Variants in TMEM67 observed in about 807,000 individuals in gnomAD.
The protein encoded by TMEM67 is transmembrane protein 67, also known as meckelin.
TMEM67 carries 124 observed loss-of-function variants against 136.6 expected under a neutral mutation model. The ratio of observed to expected loss-of-function variants is 0.91; its 90% confidence interval spans 0.78 to 1.05. The LOEUF is 1.05. Ranked by LOEUF, TMEM67 falls within the 50% of genes least tolerant of loss-of-function variation. The pLI is 0.00. For synonymous variants in TMEM67, 364 were observed against 390.5 expected (o/e 0.93, Z 0.80); for missense variants, 1,107 against 1,178.4 (o/e 0.94, Z 0.89).
chr8:93,789,065 A>G (rs1412949786), intron 14 of TMEM67, among the ~76,000 whole-genome samples: 1 of 152,202 alleles, frequency 6.6e-6, no homozygotes, highest in Non-Finnish European at 1.5e-5. Flanking sequence ...TTTCTCTAAA[A>G]ACATGAGAAG....
intron 7 of TMEM67, among the ~76,000 whole-genome samples, chr8:93,778,227 T>C (rs1311306792): frequency 6.6e-6 from 1 of 152,224 alleles, no homozygotes; most frequent in Non-Finnish European, 1.5e-5. Flanking sequence ...TCCATCCCTT[T>C]ATTTTGAGCC....
Position 93,785,284 on chromosome 8 carries a change from C to T in TMEM67, c.1194C>T (p.Tyr398=). Residue 398 remains tyrosine (Y), a synonymous_variant, in exon 12 of 28, where the codon TAC becomes TAT. Coordinates refer to ENST00000453321, the MANE Select transcript of TMEM67 (RefSeq NM_153704.6). ...DFPTPIFYDV[Y]LEYTDENQHQ... The stretch of plus-strand genomic sequence containing the variant: ...CCACTCCTATATTTTATGATGTGTA[C>T]CTTGAATATACTGATGAAAATCAAC... 3 of 1,602,368 alleles carry T rather than the reference C, an allele frequency of 1.9e-6. No homozygotes were observed. Among genetic ancestry groups the T allele is most frequent in the Non-Finnish European group, 2.6e-6 (3 of 1,170,112 alleles).
At chr8:93,821,124 G>C (rs955932158), downstream of TMEM67, among the ~76,000 whole-genome samples, 5 of 152,096 alleles carry the variant, frequency 3.3e-5, no homozygotes, top group African/African-American at 1.2e-4. Context: ...TTTTAGATGT[G>C]CCATTGAATA....
intron 6 of TMEM67, 86 bp downstream of exon 6, chr8:93,765,732 C>T: frequency 1.2e-6 from 1 of 868,330 alleles, no homozygotes; most frequent in Non-Finnish European, 2.0e-6. Flanking sequence ...AATGAGAAAC[C>T]CTTTTGTGTA....
At chr8:93,800,441 G>A (rs1399441070) in intron 21 of TMEM67, among the ~76,000 whole-genome samples, 1 of 152,154 alleles carries the variant, frequency 6.6e-6, no homozygotes, top group African/African-American at 2.4e-5. Context: ...GTTCCAGCAG[G>A]ACTGAATATG....
chr8:93,824,278 G>A, the TMEM67 span, among the ~76,000 whole-genome samples: 1 of 152,222 alleles, frequency 6.6e-6, no homozygotes, highest in Non-Finnish European at 1.5e-5. Flanking sequence ...TAAGATCTTA[G>A]ATGGCTTTCC....
intron 21 of TMEM67, among the ~76,000 whole-genome samples, chr8:93,801,881 T>C (rs1009282025): frequency 2.6e-5 from 4 of 152,224 alleles, no homozygotes; most frequent in South Asian, 2.1e-4. Context: ...TATATTAGAA[T>C]TGGAAACAAG....
intron 6 of TMEM67, among the ~76,000 whole-genome samples, chr8:93,769,094 G>A (rs889682727): frequency 6.6e-6 from 1 of 152,164 alleles, no homozygotes; most frequent in Admixed American, 6.5e-5. Flanking sequence ...CCCAGCCTGG[G>A]GCACCTGAGG....
rs1178123059 is a variant in TMEM67, at chr8:93,781,705, T to C, written c.1026T>C (p.Asn342=). The change falls in exon 10 of 28, where the codon AAT becomes AAC. Residue 342 remains asparagine, a synonymous_variant. Coordinates refer to ENST00000453321, the MANE Select transcript of TMEM67 (RefSeq NM_153704.6). ...CTGCTTCCTATGATATAAGAGGAAA[T>C]TTTCTCAAGTGGCAAACTTTAGAAG... ...FVAASYDIRG[N]FLKWQTLEGG... is the part of the protein sequence containing the mutation. 6.2e-7 allele frequency: 1 copy of C among 1,611,250 alleles called. No individual in the cohort carries two copies. Among genetic ancestry groups the C allele is most frequent in the Non-Finnish European group, 8.5e-7 (1 of 1,178,400 alleles).
chr8:93,831,961 AC>A, the TMEM67 span, among the ~76,000 whole-genome samples: 2 of 152,114 alleles, frequency 1.3e-5, no homozygotes, highest in Non-Finnish European at 2.9e-5. Context: ...TGCTTGGAAA[AC>A]AACTTCAAGC....
At chr8:93,799,820 A>G (rs2130744592) in intron 21 of TMEM67, 62 bp downstream of exon 21, 2 of 1,359,130 alleles carry the variant, frequency 1.5e-6, no homozygotes, top group Non-Finnish European at 2.1e-6. Context: ...ACTCTGCCTA[A>G]TTACTGATTA....
At chr8:93,792,877 A>G (rs1468112930) in intron 15 of TMEM67, among the ~76,000 whole-genome samples, 1 of 149,818 alleles carries the variant, frequency 6.7e-6, no homozygotes, top group African/African-American at 2.5e-5. Context: ...GGTTCATGCC[A>G]TTCTCCTGCC....
chr8:93,785,451 A>C (rs1379568894), intron 12 of TMEM67, 73 bp downstream of exon 12: 1 of 1,415,790 alleles, frequency 7.1e-7, no homozygotes, highest in East Asian at 2.3e-5. Context: ...ATGATAATTT[A>C]ATAAACCACT....
chr8:93,784,714 A>G (rs546013001), intron 11 of TMEM67, among the ~76,000 whole-genome samples: 106 of 152,326 alleles, frequency 7.0e-4, no homozygotes, highest in Non-Finnish European at 1.2e-3. Context: ...ACAGAGAGAC[A>G]TACAGTAGTA....
At chr8:93,782,105 G>A (rs1284687743) in intron 10 of TMEM67, among the ~76,000 whole-genome samples, 1 of 151,994 alleles carries the variant, frequency 6.6e-6, no homozygotes, top group East Asian at 1.9e-4. Context: ...TAGTAGAGAC[G>A]GGATTTCACC....
At chr8:93,766,461 T>G (rs990646363) in intron 6 of TMEM67, among the ~76,000 whole-genome samples, 1 of 152,124 alleles carries the variant, frequency 6.6e-6, no homozygotes, top group African/African-American at 2.4e-5. Context: ...GGCCTAGAGT[T>G]AGAGCTTTGG....
Position 93,792,478 on chromosome 8 carries a change from A to G in TMEM67, c.1576-720A>G, listed in dbSNP as rs148348030. Among the ~76,000 whole-genome samples, 19 of 151,850 alleles carry G rather than the reference A, an allele frequency of 1.3e-4. No individual in the cohort carries two copies. The East Asian group carries it at 3.3e-3, about 26-fold the overall frequency. On this transcript the variant is annotated intron_variant, in intron 15 of 27. Coordinates refer to ENST00000453321, the MANE Select transcript of TMEM67 (RefSeq NM_153704.6). ...CGTGAGCCACGGTGCCCGGCCCTCT[A>G]ATTTTATTAAATAGCATCCATTGAT...
At chr8:93,772,681 T>C in intron 7 of TMEM67, 30 bp downstream of exon 7, 1 of 1,553,230 alleles carries the variant, frequency 6.4e-7, no homozygotes, top group East Asian at 2.3e-5. Context: ...ATAAATTTCA[T>C]TTTATTTTGA....
chr8:93,764,184 C>A (rs559509092), intron 4 of TMEM67, among the ~76,000 whole-genome samples: 1 of 152,196 alleles, frequency 6.6e-6, no homozygotes, highest in Non-Finnish European at 1.5e-5. Flanking sequence ...AATCCCTTGT[C>A]TTTAGAATGG....
Sources: allele counts gnomAD v4.1 joint callset (sites outside exome capture counted in the v4.1 genomes callset), GRCh38; gene constraint gnomAD v4.1.1; transcripts MANE v1.5; gene names NCBI Gene and HGNC (gene_info 2026-07-23, HGNC 2026-07-21).